Variants in LAMA5 observed in about 807,000 individuals in gnomAD.
LAMA5 encodes laminin subunit alpha 5, also known as laminin subunit alpha-5.
In LAMA5, 260 loss-of-function variants were observed where a neutral mutation model predicts 433.4. That is an observed-to-expected ratio of 0.60 (90% CI 0.54 to 0.66). LAMA5 has a LOEUF of 0.66. Ranked by LOEUF, LAMA5 falls within the 30% of genes least tolerant of loss-of-function variation. The pLI is 0.00. For missense variants in LAMA5, 5,378 were observed against 5,258.5 expected, an observed-to-expected ratio of 1.02 and a Z score of -0.70; for synonymous variants, 2,620 against 2,226.6, an observed-to-expected ratio of 1.18 and a Z score of -4.97.
chr20:62,333,328 G>A (rs534704616), intron 25 of LAMA5, 47 bp downstream of exon 25: 27 of 1,603,706 alleles, frequency 1.7e-5, no homozygotes, highest in Non-Finnish European at 2.1e-5. Context: ...GCACAGTGGG[G>A]GTCCAGGAAG....
At chr20:62,318,748 A>G (rs542453369) in intron 52 of LAMA5, 95 bp downstream of exon 52, 1 of 1,570,790 alleles carries the variant, frequency 6.4e-7, no homozygotes, top group Non-Finnish European at 8.6e-7. Flanking sequence ...CTGCCCCGTG[A>G]TGCCCACCTG....
In LAMA5 at chr20:62,337,610, T is replaced by C; in HGVS notation, c.2144A>G (p.Tyr715Cys). The C allele has an allele frequency of 1.9e-6, 3 of 1,610,262 alleles. No individual in the cohort carries two copies. The highest frequency in any genetic ancestry group is 2.5e-6 in the Non-Finnish European group (3 of 1,178,910). The part of the protein sequence containing the change: ...LRCDTCVPGA[Y>C]NFPYCEAGSC... ...CTCACCTTCGCAGTAGGGGAAGTTG[T>C]AGGCACCGGGCACACATGTGTCACA... The change falls in exon 16 of 80, where the codon TAC becomes TGC. Residue 715 changes from tyrosine (Y) to cysteine (C), a missense_variant. Tyr to Cys is a radical substitution (Grantham distance 194). Transcript: ENST00000252999.
rs1981647431 is a variant in LAMA5, at chr20:62,336,448, G to T, written c.2218-3C>A. On this transcript the variant is annotated splice_polypyrimidine_tract_variant and splice_region_variant and intron_variant, in intron 17 of 79. Transcript: ENST00000252999. ...CGGCACATACAGGGAACCTGTGCCT[G>T]GGAGAGGACAAGACTGCAGGTCAGA... 6.2e-7 allele frequency: 1 copy of T among 1,610,674 alleles called. No homozygotes were observed.
intron 6 of LAMA5, 137 bp downstream of exon 6, chr20:62,351,567 A>G (rs913996970): frequency 1.0e-5 from 8 of 766,228 alleles, no homozygotes; most frequent in Non-Finnish European, 1.8e-5. Context: ...TGGTCAGTGC[A>G]GGTCACACAG....
chr20:62,353,515 C>T (rs1316388647), intron 2 of LAMA5, among the ~76,000 whole-genome samples: 1 of 152,212 alleles, frequency 6.6e-6, no homozygotes, highest in Non-Finnish European at 1.5e-5. Flanking sequence ...TGCCTCCTCC[C>T]CTTCCCTGCC....
chr20:62,356,815 G>A (rs767879309), intron 2 of LAMA5, among the ~76,000 whole-genome samples: 1 of 152,242 alleles, frequency 6.6e-6, no homozygotes, highest in African/African-American at 2.4e-5. Context: ...CCTTTCATGA[G>A]GGCATGAAGG....
In LAMA5 at chr20:62,346,226, G is replaced by C; in HGVS notation, c.1283-11C>G. 2 of 1,608,576 alleles carry C rather than the reference G, an allele frequency of 1.2e-6. No individual in the cohort carries two copies. Among genetic ancestry groups the C allele is most frequent in the Non-Finnish European group, 1.7e-6 (2 of 1,178,134 alleles). On this transcript the variant is annotated splice_polypyrimidine_tract_variant and intron_variant, in intron 9 of 79. Transcript: ENST00000252999. ...ACTCGCAGTTGCAGCCTGGGCAGGG[G>C]CAGGAGCCGGGTAAGCCTGGAGCTA... is the stretch of plus-strand genomic sequence containing the variant.
Position 62,315,175 on chromosome 20 carries a change from C to T in LAMA5, c.7900G>A (p.Ala2634Thr). 1 of 1,610,432 alleles carries T rather than the reference C, an allele frequency of 6.2e-7. No individual in the cohort carries two copies. Among genetic ancestry groups the T allele is most frequent in the Admixed American group, 1.7e-5 (1 of 59,894 alleles). The stretch of plus-strand genomic sequence containing the variant: ...GTGTCCTGGGCTTCAGCAGCCACAG[C>T]CTTGGCATGTGCGATCTTCTTGCTT... ...ETSKKIAHAK[A>T]VAAEAQDTAT... is the part of the protein sequence containing the mutation. Residue 2634 changes from alanine (A) to threonine (T), a missense_variant, in exon 59 of 80, where the codon GCT (alanine) becomes ACT (threonine). Ala to Thr is a moderately conservative substitution (Grantham distance 58, BLOSUM62 0). Transcript: ENST00000252999.
intron 17 of LAMA5, 139 bp from the exon 18 acceptor site, chr20:62,336,584 G>T (rs2146225346): frequency 8.8e-7 from 1 of 1,142,584 alleles, no homozygotes; most frequent in Non-Finnish European, 1.3e-6. Flanking sequence ...CTGCAGTGGG[G>T]GCAGAGGACC....
intron 2 of LAMA5, among the ~76,000 whole-genome samples, chr20:62,354,827 AG>A (rs1454754610): frequency 1.3e-5 from 2 of 152,114 alleles, no homozygotes; most frequent in African/African-American, 4.8e-5. Context: ...GGAGGCTCCA[AG>A]GGAGGGTGAG....
chr20:62,318,997 C>G lies in LAMA5; in HGVS notation c.6888G>C (p.Thr2296=). The change falls in exon 52 of 80, where the codon ACG becomes ACC. Residue 2296 remains threonine (T), a synonymous_variant. Coordinates refer to ENST00000252999, the MANE Select transcript of LAMA5 (RefSeq NM_005560.6). The part of the protein sequence containing the change: ...DRTLSELMSQ[T]GHLGLANASA... ...AGGCATTGGCCAGCCCCAGGTGGCC[C>G]GTCTGGGACATGAGCTCTGTGGGGC... The G allele has an allele frequency of 6.3e-7, 1 of 1,586,318 alleles. No individual in the cohort carries two copies. The highest frequency in any genetic ancestry group is 1.7e-4 in the Middle Eastern group (1 of 5,970).
Position 62,312,447 on chromosome 20 carries a change from G to A in LAMA5, c.9313C>T (p.Arg3105Trp), listed in dbSNP as rs758420394. Residue 3105 changes from arginine (R) to tryptophan (W), a missense_variant, in exon 68 of 80, where the codon CGG becomes TGG. Coordinates refer to ENST00000252999, the MANE Select transcript of LAMA5 (RefSeq NM_005560.6). The part of the protein sequence containing the change: ...KALGKYVDLK[R>W]LNTTGVSAGC... ...GCGCTCACGCCTGTCGTGTTCAGCC[G>A]CTTGAGGTCCACATACTTGCCCAGG... is the stretch of plus-strand genomic sequence containing the variant. The A allele has an allele frequency of 1.4e-5, 22 of 1,597,946 alleles. No individual in the cohort carries two copies. Among genetic ancestry groups the A allele is most frequent in the East Asian group, 2.2e-5 (1 of 44,862 alleles).
Position 62,336,773 on chromosome 20 carries a change from G to T in LAMA5, c.2178C>A (p.His726Gln). Reference sequence around the variant, plus strand: ...GATCCACTGGGGCCAGACCGGCAGGGTGGCAAGAGCCAGCTGTGAAGAGAG... The same window carrying T: ...GATCCACTGGGGCCAGACCGGCAGGTTGGCAAGAGCCAGCTGTGAAGAGAG... The part of the protein sequence containing the change: ...NFPYCEAGSC[H>Q]PAGLAPVDPA... Residue 726 changes from histidine to glutamine, a missense_variant, in exon 17 of 80, where the codon CAC (histidine) becomes CAA (glutamine). Coordinates refer to ENST00000252999, the MANE Select transcript of LAMA5 (RefSeq NM_005560.6). 6.2e-7 allele frequency: 1 copy of T among 1,612,868 alleles called. No individual in the cohort carries two copies. The highest frequency in any genetic ancestry group is 8.5e-7 in the Non-Finnish European group (1 of 1,179,988).
chr20:62,349,831 G>A lies in LAMA5; in HGVS notation c.956+1873C>T, dbSNP rs199631236. ...GGTGGGGGTGATGACGGTGATGGTG[G>A]GGGTGATGATGGTGGGAGTGGGCTG... On this transcript the variant is annotated intron_variant, in intron 6 of 79. Coordinates refer to ENST00000252999, the MANE Select transcript of LAMA5 (RefSeq NM_005560.6). Among the ~76,000 whole-genome samples the A allele has an allele frequency of 1.2e-4, 16 of 137,456 alleles. 1 individual carries two copies. Among genetic ancestry groups the A allele is most frequent in the Non-Finnish European group, 1.8e-4 (11 of 61,872 alleles). The allele number at this position is 137,456 out of a possible 152,430, so 90.2% of individuals were successfully genotyped here.
intron 50 of LAMA5, 25 bp downstream of exon 50, chr20:62,320,534 C>A (rs770711754): frequency 7.1e-6 from 11 of 1,550,732 alleles, no homozygotes; most frequent in Non-Finnish European, 9.6e-6. Flanking sequence ...CCTCCCGGGG[C>A]CCTGGGGGGT....
chr20:62,339,277 G>A (rs1350764613), intron 11 of LAMA5, among the ~76,000 whole-genome samples: 10 of 106,976 alleles, frequency 9.3e-5, no homozygotes, highest in East Asian at 3.3e-4. Flanking sequence ...TTGATCTGTC[G>A]CCCAGGCTAG....
At chr20:62,338,754 A>G (rs1982119009) in intron 11 of LAMA5, 146 bp from the exon 12 acceptor site, 3 of 970,100 alleles carry the variant, frequency 3.1e-6, no homozygotes, top group Non-Finnish European at 4.4e-6. Context: ...AAATCCCAGC[A>G]AGGGCTGGGT....
intron 51 of LAMA5, 150 bp from the exon 52 acceptor site, chr20:62,319,163 G>A: frequency 2.7e-6 from 2 of 749,746 alleles, no homozygotes; most frequent in South Asian, 1.9e-5. Context: ...TAGAGCACCT[G>A]GCGAAAGGCC....
chr20:62,323,604 G>A lies in LAMA5; in HGVS notation c.5916C>T (p.Ser1972=), dbSNP rs141059760. The part of the protein sequence containing the change: ...LGSSCQPCDC[S]GNGDPNLLFS... The stretch of plus-strand genomic sequence containing the variant: ...AGAGCAAGTTGGGGTCACCGTTGCC[G>A]CTGCAGTCGCATGGCTGGCAGGAGC... The change falls in exon 45 of 80, where the codon AGC becomes AGT. Residue 1972 remains serine, a synonymous_variant. Transcript: ENST00000252999. 469 of 1,611,110 alleles carry A rather than the reference G, an allele frequency of 2.9e-4. 2 individuals are homozygous for A. The highest frequency in any genetic ancestry group is 2.5e-3 in the Middle Eastern group (15 of 6,052).
Sources: gnomAD v4.1 joint callset for allele counts (sites outside exome capture counted in the v4.1 genomes callset) on GRCh38, gnomAD v4.1.1 for gene constraint, MANE v1.5 for transcripts, NCBI Gene and HGNC (gene_info 2026-07-23, HGNC 2026-07-21) for gene names.